Variants in ATP2B4 observed in about 807,000 individuals in gnomAD.
ATP2B4 encodes ATPase plasma membrane Ca2+ transporting 4, also known as plasma membrane calcium-transporting ATPase 4.
A neutral mutation model predicts 110.3 loss-of-function variants in ATP2B4; 39 were observed. The observed-to-expected ratio is 0.35, with a 90% CI of 0.27 to 0.46. The LOEUF (loss-of-function observed/expected upper bound fraction) is 0.46. Ranked by LOEUF, ATP2B4 falls within the 20% of genes least tolerant of loss-of-function variation. The probability of loss-of-function intolerance (pLI) is 1.00; values close to 1 mark genes in which losing one functional copy is unlikely to be tolerated. For synonymous variants in ATP2B4, 538 were observed against 571.7 expected, an observed-to-expected ratio of 0.94 and a Z score of 0.84; for missense variants, 1,135 against 1,530.9, an observed-to-expected ratio of 0.74 and a Z score of 4.32.
At chr1:203,686,685 C>CTTTTGTTTTTTTTTT (rs1665194016) in intron 2 of ATP2B4, among the ~76,000 whole-genome samples, 2 of 42,776 alleles carry the variant, frequency 4.7e-5, no homozygotes, top group African/African-American at 2.0e-4. Context: ...TCTTTTCTTT[C>CTTTTGTTTTTTTTTT]TTTTTTTTTT....
intron 1 of ATP2B4, among the ~76,000 whole-genome samples, chr1:203,659,325 A>C (rs1323686323): frequency 6.6e-6 from 1 of 152,242 alleles, no homozygotes; most frequent in Admixed American, 6.5e-5. Context: ...AATCTTTATA[A>C]TTTCATGTAA....
chr1:203,702,487 G>A (rs1665724072), intron 7 of ATP2B4, among the ~76,000 whole-genome samples: 1 of 152,158 alleles, frequency 6.6e-6, no homozygotes, highest in Non-Finnish European at 1.5e-5. Flanking sequence ...CCGTCCTCTT[G>A]CTAGCTTCCT....
chr1:203,678,090 C>T (rs879172207), intron 1 of ATP2B4, among the ~76,000 whole-genome samples: 14 of 152,206 alleles, frequency 9.2e-5, no homozygotes, highest in Admixed American at 2.0e-4. Context: ...GCCCTAGCCC[C>T]GGGCCCCTCC....
At chr1:203,665,256 A>G (rs1472526312) in intron 1 of ATP2B4, among the ~76,000 whole-genome samples, 1 of 152,206 alleles carries the variant, frequency 6.6e-6, no homozygotes, top group Non-Finnish European at 1.5e-5. Context: ...ATGCTACCTG[A>G]CTGTATGTAG....
intron 20 of ATP2B4, chr1:203,733,610 C>A: frequency 6.1e-6 from 3 of 488,454 alleles, no homozygotes; most frequent in Non-Finnish European, 1.1e-5. Flanking sequence ...GCTATTAAAC[C>A]TTAACTGTTT....
chr1:203,696,168 A>C (rs1665527729), intron 2 of ATP2B4, among the ~76,000 whole-genome samples: 1 of 151,970 alleles, frequency 6.6e-6, no homozygotes, highest in South Asian at 2.1e-4. Flanking sequence ...CTCAAGTGAT[A>C]CACCCACCTT....
chr1:203,727,608 G>A (rs1292192486), intron 20 of ATP2B4, 37 bp downstream of exon 20: 3 of 1,607,886 alleles, frequency 1.9e-6, no homozygotes, highest in Non-Finnish European at 2.5e-6. Flanking sequence ...CTTGGGAGAA[G>A]CAGCTTCCCA....
At chr1:203,665,792 T>A (rs1356536388) in intron 1 of ATP2B4, among the ~76,000 whole-genome samples, 1 of 73,416 alleles carries the variant, frequency 1.4e-5, no homozygotes, top group Non-Finnish European at 2.8e-5. Context: ...AGAGCTAGAC[T>A]CCATCTCAAA....
At chr1:203,733,498 G>T in intron 20 of ATP2B4, 3 of 1,265,970 alleles carry the variant, frequency 2.4e-6, no homozygotes, top group African/African-American at 1.5e-5. Flanking sequence ...TTTCCTTTTG[G>T]TTTTTCCCTT....
At position 203,722,648 on chromosome 1, in the gene ATP2B4, A is replaced by G. The variant is rs940319491; in HGVS notation, c.2983A>G (p.Ile995Val). Reference sequence around the variant, plus strand: ...CGTCTTTTCAGGCATCTACCGCAACATTATCTTCTGCTCTGTAGTCTTGGG... The same window carrying G: ...CGTCTTTTCAGGCATCTACCGCAACGTTATCTTCTGCTCTGTAGTCTTGGG... ...KNVFSGIYRNIIFCSVVLGTF... is the reference protein window; with the variant it reads ...KNVFSGIYRNVIFCSVVLGTF... The change falls in exon 18 of 21, where the codon ATT (isoleucine) becomes GTT (valine). Residue 995 changes from isoleucine (I) to valine (V), a missense_variant. By Grantham distance (29) the Ile-to-Val change is conservative. Coordinates refer to ENST00000357681, the MANE Select transcript of ATP2B4 (RefSeq NM_001684.5). 1.9e-6 allele frequency: 3 copies of G among 1,614,022 alleles called. No individual in the cohort carries two copies. Among genetic ancestry groups the G allele is most frequent in the East Asian group, 2.2e-5 (1 of 44,890 alleles).
At chr1:203,653,301 G>A (rs1664052970) in intron 1 of ATP2B4, among the ~76,000 whole-genome samples, 1 of 152,216 alleles carries the variant, frequency 6.6e-6, no homozygotes, top group South Asian at 2.1e-4. Flanking sequence ...AGCTAGCAGA[G>A]CTTGGTTCTT....
At chr1:203,665,934 G>T (rs891809775) in intron 1 of ATP2B4, among the ~76,000 whole-genome samples, 1 of 152,168 alleles carries the variant, frequency 6.6e-6, no homozygotes, top group Non-Finnish European at 1.5e-5. Flanking sequence ...TGGGATTCTT[G>T]TTTGATGTAG....
Position 203,741,730 on chromosome 1 carries a change from C to A in ATP2B4, c.*1876C>A, listed in dbSNP as rs1355378598. On this transcript the variant is annotated 3_prime_UTR_variant, in exon 21 of 21. Coordinates refer to ENST00000357681, the MANE Select transcript of ATP2B4 (RefSeq NM_001684.5). ...TCCCCATGACTACATAATCCATCAT[C>A]GTAGGAAATAGGAAAGCAAATTTGA... 1 of 152,550 alleles carries A rather than the reference C, an allele frequency of 6.6e-6. No homozygotes were observed. Among genetic ancestry groups the A allele is most frequent in the East Asian group, 1.9e-4 (1 of 5,198 alleles). The allele number at this position is 152,550 out of a possible 1,614,324, so 9.4% of individuals were successfully genotyped here. A position where few individuals can be genotyped will look rare whatever the true frequency, so the allele number is the denominator to read the frequency against.
intron 2 of ATP2B4, among the ~76,000 whole-genome samples, chr1:203,684,731 AC>A (rs1023516512): frequency 2.0e-5 from 3 of 152,306 alleles, no homozygotes; most frequent in Admixed American, 2.0e-4. Flanking sequence ...ATATAACTGT[AC>A]CCATCATATC....
intron 12 of ATP2B4, among the ~76,000 whole-genome samples, chr1:203,711,389 C>A (rs1425846691): frequency 6.6e-6 from 1 of 152,138 alleles, no homozygotes; most frequent in African/African-American, 2.4e-5. Context: ...CCAACTTTGT[C>A]TTTAGCTCCC....
intron 1 of ATP2B4, among the ~76,000 whole-genome samples, chr1:203,667,512 T>C (rs1039749535): frequency 6.6e-6 from 1 of 152,218 alleles, no homozygotes; most frequent in Non-Finnish European, 1.5e-5. Context: ...TAGACTAGTG[T>C]TGGAGGTAGC....
chr1:203,680,942 C>T (rs1664994631), intron 1 of ATP2B4, among the ~76,000 whole-genome samples: 1 of 152,194 alleles, frequency 6.6e-6, no homozygotes, highest in Admixed American at 6.5e-5. Flanking sequence ...TTAAGGAGTT[C>T]TACTTAAGGG....
chr1:203,681,412 C>T (rs908445561), intron 1 of ATP2B4, among the ~76,000 whole-genome samples: 4 of 152,160 alleles, frequency 2.6e-5, no homozygotes, highest in Non-Finnish European at 4.4e-5. Flanking sequence ...GTAAGTGTGG[C>T]ATCTATTTAT....
chr1:203,735,498 C>T (rs996386029), intron 20 of ATP2B4, among the ~76,000 whole-genome samples: 4 of 152,162 alleles, frequency 2.6e-5, no homozygotes, highest in South Asian at 2.1e-4. Flanking sequence ...CACCACCCCC[C>T]ACCCCGACCT....
Sources: gnomAD v4.1 joint callset for allele counts (sites outside exome capture counted in the v4.1 genomes callset) on GRCh38, gnomAD v4.1.1 for gene constraint, MANE v1.5 for transcripts, NCBI Gene and HGNC (gene_info 2026-07-23, HGNC 2026-07-21) for gene names.